MDGA2: variants seen among roughly 807,000 people sequenced by gnomAD.
MDGA2 encodes the protein MAM domain containing glycosylphosphatidylinositol anchor 2, also known as MAM domain-containing glycosylphosphatidylinositol anchor protein 2.
A neutral mutation model predicts 117.8 loss-of-function variants in MDGA2; 40 were observed. The ratio of observed to expected loss-of-function variants is 0.34; its 90% CI spans 0.26 to 0.44. The LOEUF (loss-of-function observed/expected upper bound fraction) is 0.44, where lower values mean the gene tolerates loss of function less well. Among genes scored for constraint, MDGA2 ranks in the 20% least tolerant of loss-of-function variants. The pLI is 1.00. For synonymous variants in MDGA2, 452 were observed against 439.0 expected, an observed-to-expected ratio of 1.03 and a Z score of -0.37; for missense variants, 1,123 against 1,250.6, an observed-to-expected ratio of 0.90 and a Z score of 1.54.
intron 1 of MDGA2, among the ~76,000 whole-genome samples, chr14:47,396,818 T>C (rs555679529): frequency 6.6e-6 from 1 of 152,202 alleles, no homozygotes; most frequent in African/African-American, 2.4e-5. Flanking sequence ...TGGCGATCCT[T>C]AAAAAGTTAG....
intron 3 of MDGA2, among the ~76,000 whole-genome samples, chr14:47,144,884 A>G (rs967552360): frequency 1.3e-5 from 2 of 149,450 alleles, no homozygotes; most frequent in Admixed American, 6.7e-5. Flanking sequence ...TCCTGGCTTC[A>G]AGCGATCCTC....
chr14:47,421,412 G>C (rs190257199), intron 1 of MDGA2, among the ~76,000 whole-genome samples: 1 of 152,218 alleles, frequency 6.6e-6, no homozygotes. Context: ...TGAACACTAT[G>C]GTTCATGTTT....
chr14:46,934,322 T>TTA (rs1253564689), intron 9 of MDGA2, among the ~76,000 whole-genome samples: 1 of 152,060 alleles, frequency 6.6e-6, no homozygotes, highest in African/African-American at 2.4e-5. Context: ...AAACATGGAC[T>TTA]TATGGAGCAA....
chr14:47,344,486 AG>A (rs1890719912), intron 1 of MDGA2, among the ~76,000 whole-genome samples: 1 of 152,132 alleles, frequency 6.6e-6, no homozygotes, highest in Non-Finnish European at 1.5e-5. Context: ...ATTTTTTACA[AG>A]ATGTATGATG....
At chr14:47,401,063 T>A (rs2078462625) in intron 1 of MDGA2, among the ~76,000 whole-genome samples, 2 of 151,792 alleles carry the variant, frequency 1.3e-5, no homozygotes, top group Non-Finnish European at 2.9e-5. Context: ...GGCCGGCATT[T>A]TTTTTTTCTT....
At chr14:47,624,960 T>C (rs959707715) in intron 1 of MDGA2, among the ~76,000 whole-genome samples, 7 of 152,150 alleles carry the variant, frequency 4.6e-5, no homozygotes, top group African/African-American at 1.7e-4. Flanking sequence ...TCATTTAGAC[T>C]TGGTTCTACT....
rs185097459 is a variant in MDGA2, at chr14:46,923,635, T to C, written c.2090-3475A>G. Among the ~76,000 whole-genome samples the C allele has an allele frequency of 1.7e-3, 256 of 152,210 alleles. 1 individual carries two copies. Among genetic ancestry groups the C allele is most frequent in the African/African-American group, 5.8e-3 (241 of 41,564 alleles). ...GATTAAATATAGGCATGCTTACTTA[T>C]GCCTCACAGCATACTTTCTACTGAG... On this transcript the variant is annotated intron_variant, in intron 9 of 16. Transcript: ENST00000399232.
At chr14:47,112,579 T>C (rs919205091) in intron 5 of MDGA2, among the ~76,000 whole-genome samples, 1 of 152,222 alleles carries the variant, frequency 6.6e-6, no homozygotes, top group African/African-American at 2.4e-5. Context: ...CATCGTTCCT[T>C]TCTCTGGCTG....
chr14:47,250,936 C>T (rs1887424752), intron 2 of MDGA2, among the ~76,000 whole-genome samples: 1 of 152,174 alleles, frequency 6.6e-6, no homozygotes, highest in Non-Finnish European at 1.5e-5. Context: ...CCATCCAGGC[C>T]ACTATTATTA....
intron 3 of MDGA2, among the ~76,000 whole-genome samples, chr14:47,180,969 G>C (rs1443333875): frequency 6.6e-6 from 1 of 151,998 alleles, no homozygotes; most frequent in Non-Finnish European, 1.5e-5. Context: ...AAACACAGAT[G>C]CTGGTGAGGT....
At chr14:46,961,345 A>C (rs1011059685) in intron 8 of MDGA2, among the ~76,000 whole-genome samples, 3 of 151,970 alleles carry the variant, frequency 2.0e-5, no homozygotes, top group Non-Finnish European at 4.4e-5. Flanking sequence ...GATCCTGTTC[A>C]TTCTGCTTTT....
intron 1 of MDGA2, among the ~76,000 whole-genome samples, chr14:47,427,779 C>G (rs1046822224): frequency 4.0e-5 from 6 of 151,682 alleles, no homozygotes; most frequent in African/African-American, 1.5e-4. Flanking sequence ...TGCCAATGAA[C>G]AGTGAGTTAG....
At chr14:47,494,533 TTTAA>T (rs1201803285) in intron 1 of MDGA2, among the ~76,000 whole-genome samples, 6 of 152,222 alleles carry the variant, frequency 3.9e-5, no homozygotes, top group Non-Finnish European at 8.8e-5. Context: ...AGCTTTTTAG[TTTAA>T]TTAAGTCCCA....
At chr14:47,105,677 CCAGGCATTCTTTTACACAT>C (rs1880619625) in intron 5 of MDGA2, among the ~76,000 whole-genome samples, 1 of 150,968 alleles carries the variant, frequency 6.6e-6, no homozygotes, top group Admixed American at 6.6e-5. Context: ...TGCCTGACGT[CCAGGCATTCTTTTACACAT>C]CAGTCCCTTC....
intron 1 of MDGA2, among the ~76,000 whole-genome samples, chr14:47,627,656 A>C (rs1594951265): frequency 6.6e-6 from 1 of 152,182 alleles, no homozygotes; most frequent in Non-Finnish European, 1.5e-5. Context: ...AAAATGGACC[A>C]ATCAGCAGGA....
chr14:47,258,795 G>A (rs1339054929), intron 2 of MDGA2, among the ~76,000 whole-genome samples: 3 of 151,718 alleles, frequency 2.0e-5, no homozygotes, highest in African/African-American at 7.3e-5. Context: ...TGGAACAGAG[G>A]GTTCAGTATG....
chr14:47,012,650 G>A (rs946825038), intron 8 of MDGA2, among the ~76,000 whole-genome samples: 4 of 152,134 alleles, frequency 2.6e-5, no homozygotes, highest in African/African-American at 9.7e-5. Flanking sequence ...CACAAATACT[G>A]TTTTCATTGT....
intron 3 of MDGA2, among the ~76,000 whole-genome samples, chr14:47,201,260 C>A (rs901114542): frequency 6.6e-6 from 1 of 152,146 alleles, no homozygotes; most frequent in East Asian, 1.9e-4. Flanking sequence ...TTTCAATATC[C>A]GCATCAATCC....
chr14:47,490,069 T>C (rs1187871028), intron 1 of MDGA2, among the ~76,000 whole-genome samples: 1 of 152,092 alleles, frequency 6.6e-6, no homozygotes, highest in African/African-American at 2.4e-5. Flanking sequence ...ATTGCTGCCT[T>C]AATGAGATAT....
Sources: allele counts gnomAD v4.1 joint callset (sites outside exome capture counted in the v4.1 genomes callset), GRCh38; gene constraint gnomAD v4.1.1; transcripts MANE v1.5; gene names NCBI Gene and HGNC (gene_info 2026-07-23, HGNC 2026-07-21).